The following SGIP1 variants were observed in gnomAD, a reference collection of about 807,000 sequenced individuals.
SGIP1 encodes SH3GL interacting endocytic adaptor 1.
In SGIP1, 38 loss-of-function variants were observed where a neutral mutation model predicts 107.5. The ratio of observed to expected loss-of-function variants is 0.35; its 90% CI spans 0.27 to 0.46. SGIP1 has a LOEUF of 0.46. SGIP1 is among the 20% of genes least tolerant of loss of function. The pLI, the probability that SGIP1 is intolerant of heterozygous loss-of-function variation, is 1.00. For missense variants in SGIP1, 929 were observed against 1,019.5 expected, an observed-to-expected ratio of 0.91 and a Z score of 1.21; for synonymous variants, 365 against 366.1, an observed-to-expected ratio of 1.00 and a Z score of 0.03.
At chr1:66,628,016 C>T (rs1445573284) in intron 2 of SGIP1, among the ~76,000 whole-genome samples, 5 of 151,392 alleles carry the variant, frequency 3.3e-5, no homozygotes, top group Admixed American at 2.0e-4. Flanking sequence ...TTTGTCCTCG[C>T]GATAGTTTGC....
At chr1:66,620,266 AAC>A (rs1402968015) in intron 1 of SGIP1, among the ~76,000 whole-genome samples, 1 of 152,182 alleles carries the variant, frequency 6.6e-6, no homozygotes, top group Non-Finnish European at 1.5e-5. Flanking sequence ...AACACCAGTA[AAC>A]ACACTAATTT....
chr1:66,541,273 G>A (rs948114162), intron 1 of SGIP1, among the ~76,000 whole-genome samples: 1 of 152,224 alleles, frequency 6.6e-6, no homozygotes, highest in African/African-American at 2.4e-5. Flanking sequence ...AGATTAAAAT[G>A]TCTGCCCATG....
At chr1:66,674,081 T>C (rs1459815728) in intron 12 of SGIP1, among the ~76,000 whole-genome samples, 3 of 152,066 alleles carry the variant, frequency 2.0e-5, no homozygotes, top group East Asian at 3.9e-4. Flanking sequence ...GGTGGGAGGT[T>C]CACTTAAGCC....
intron 9 of SGIP1, among the ~76,000 whole-genome samples, chr1:66,670,007 A>C (rs1488130534): frequency 6.6e-6 from 1 of 152,134 alleles, no homozygotes; most frequent in East Asian, 1.9e-4. Context: ...AGTAGGAAAA[A>C]ATGTGTTTGG....
chr1:66,627,815 T>C (rs1315357859), intron 2 of SGIP1, among the ~76,000 whole-genome samples: 2 of 152,150 alleles, frequency 1.3e-5, no homozygotes, highest in African/African-American at 2.4e-5. Flanking sequence ...TTGTTACATA[T>C]GTATACATGT....
intron 1 of SGIP1, among the ~76,000 whole-genome samples, chr1:66,556,960 T>C (rs542824475): frequency 3.0e-4 from 45 of 152,160 alleles, no homozygotes; most frequent in Non-Finnish European, 5.1e-4. Flanking sequence ...ACAACAATTA[T>C]AATAGTACCT....
intron 1 of SGIP1, among the ~76,000 whole-genome samples, chr1:66,567,717 C>T (rs528883017): frequency 3.3e-5 from 5 of 152,262 alleles, no homozygotes; most frequent in African/African-American, 1.2e-4. Flanking sequence ...CAGTTTTCTG[C>T]ATATGGCTAG....
chr1:66,589,000 C>CTCTTCTTA (rs1553238586), intron 1 of SGIP1, among the ~76,000 whole-genome samples: 16 of 150,396 alleles, frequency 1.1e-4, no homozygotes, highest in Admixed American at 3.3e-4. Context: ...AAAAACAGAA[C>CTCTTCTTA]TCTTATTCTT....
At chr1:66,693,698 G>A (rs769698236) in intron 17 of SGIP1, among the ~76,000 whole-genome samples, 1 of 152,172 alleles carries the variant, frequency 6.6e-6, no homozygotes, top group Non-Finnish European at 1.5e-5. Context: ...ACTTGCATTT[G>A]TTAGTTGCTG....
At chr1:66,653,328 T>C (rs2079109504) in intron 7 of SGIP1, among the ~76,000 whole-genome samples, 1 of 152,154 alleles carries the variant, frequency 6.6e-6, no homozygotes. Flanking sequence ...CTAGGAAATT[T>C]TCTGTTGCTT....
At chr1:66,538,536 T>C (rs1368569812) in intron 1 of SGIP1, among the ~76,000 whole-genome samples, 1 of 152,194 alleles carries the variant, frequency 6.6e-6, no homozygotes, top group Non-Finnish European at 1.5e-5. Flanking sequence ...TAGAAGACTC[T>C]GGATCATTCT....
At chr1:66,544,824 G>A (rs2055958795) in intron 1 of SGIP1, among the ~76,000 whole-genome samples, 1 of 152,088 alleles carries the variant, frequency 6.6e-6, no homozygotes, top group South Asian at 2.1e-4. Context: ...GGTAACAATG[G>A]CCTGAAATGG....
intron 1 of SGIP1, among the ~76,000 whole-genome samples, chr1:66,566,744 G>A (rs564374083): frequency 6.6e-6 from 1 of 152,040 alleles, no homozygotes; most frequent in East Asian, 1.9e-4. Flanking sequence ...TGCAGAAAGT[G>A]CAGTTTTGTT....
At chr1:66,708,935 T>G (rs879260661) in intron 18 of SGIP1, among the ~76,000 whole-genome samples, 3 of 152,150 alleles carry the variant, frequency 2.0e-5, no homozygotes, top group Admixed American at 6.6e-5. Context: ...TCTTATTTAT[T>G]TATGTATTTA....
intron 1 of SGIP1, among the ~76,000 whole-genome samples, chr1:66,611,897 C>G (rs2068091692): frequency 6.6e-6 from 1 of 152,088 alleles, no homozygotes; most frequent in Non-Finnish European, 1.5e-5. Context: ...CATGTGAACA[C>G]TAGATTGTCT....
At chr1:66,555,474 T>C (rs889466388) in intron 1 of SGIP1, among the ~76,000 whole-genome samples, 3 of 152,138 alleles carry the variant, frequency 2.0e-5, no homozygotes, top group African/African-American at 7.2e-5. Flanking sequence ...TCCCTCTTGT[T>C]CATCAAGAGG....
intron 2 of SGIP1, among the ~76,000 whole-genome samples, chr1:66,630,852 A>AG (rs1491367590): frequency 5.2e-4 from 17 of 32,486 alleles, no homozygotes; most frequent in African/African-American, 2.4e-3. Flanking sequence ...AGAAAGAAAG[A>AG]AAGAAAGAAA....
intron 21 of SGIP1, among the ~76,000 whole-genome samples, chr1:66,736,221 CAAATATTTTAAATAT>C (rs2094229753): frequency 9.1e-5 from 13 of 142,886 alleles, no homozygotes; most frequent in Middle Eastern, 4.1e-3. Context: ...AATATTTATA[CAAATATTTTAAATAT>C]AAATATTTAT....
intron 1 of SGIP1, among the ~76,000 whole-genome samples, chr1:66,558,008 T>C (rs548097758): frequency 1.3e-5 from 2 of 152,218 alleles, no homozygotes; most frequent in African/African-American, 4.8e-5. Flanking sequence ...GGAAACACTT[T>C]TTTAAAAAAC....
Sources: gnomAD v4.1 joint callset for allele counts (sites outside exome capture counted in the v4.1 genomes callset) on GRCh38, gnomAD v4.1.1 for gene constraint, MANE v1.5 for transcripts, NCBI Gene and HGNC (gene_info 2026-07-23, HGNC 2026-07-21) for gene names.